Variants in DPP10 observed in about 807,000 individuals in gnomAD.
DPP10 encodes the protein inactive dipeptidyl peptidase 10.
In DPP10, 33 loss-of-function variants were observed where a neutral mutation model predicts 120.9. That is an observed-to-expected ratio of 0.27 (90% CI 0.21 to 0.37). The LOEUF is 0.37. DPP10 is among the 10% of genes least tolerant of loss of function. The pLI is 1.00. For synonymous variants in DPP10, 337 were observed against 326.1 expected, an observed-to-expected ratio of 1.03 and a Z score of -0.36; for missense variants, 816 against 942.8, an observed-to-expected ratio of 0.87 and a Z score of 1.76.
At chr2:115,733,078 TG>T (rs1360042600) in intron 8 of DPP10, among the ~76,000 whole-genome samples, 2 of 152,154 alleles carry the variant, frequency 1.3e-5, no homozygotes, top group East Asian at 3.9e-4. Context: ...ATAGATGACA[TG>T]GGCCTTGTGT....
intron 1 of DPP10, among the ~76,000 whole-genome samples, chr2:114,742,840 T>C (rs1678196990): frequency 6.6e-6 from 1 of 152,212 alleles, no homozygotes; most frequent in Admixed American, 6.5e-5. Context: ...TACATTAAAA[T>C]CTCCTGGAAG....
rs369349950 is a variant in DPP10, at chr2:115,414,168, TAGATTTC to T, written c.271+70260_271+70266del. Among the ~76,000 whole-genome samples the T allele has an allele frequency of 5.2e-4, 79 of 152,318 alleles. No homozygotes were observed. In the East Asian group the frequency reaches 0.015, roughly 28 times the overall value. ...CCCCCAAATTGTACCTATTTAGGATTAGATTTCAGAATCTTATTTGAAACTTAAACAG... is the reference window on the plus strand; with the variant it reads ...CCCCCAAATTGTACCTATTTAGGATTAGAATCTTATTTGAAACTTAAACAG... On this transcript the variant is annotated intron_variant, in intron 3 of 25. Coordinates refer to ENST00000410059, the MANE Select transcript of DPP10 (RefSeq NM_020868.6).
At chr2:115,442,252 C>T (rs1360179899) in intron 3 of DPP10, among the ~76,000 whole-genome samples, 1 of 152,036 alleles carries the variant, frequency 6.6e-6, no homozygotes, top group African/African-American at 2.4e-5. Flanking sequence ...CTCACTGGCT[C>T]TGTAAGAGGA....
chr2:114,676,613 G>T (rs1321623996), intron 1 of DPP10, among the ~76,000 whole-genome samples: 3 of 152,042 alleles, frequency 2.0e-5, no homozygotes, highest in Non-Finnish European at 4.4e-5. Flanking sequence ...TGGGGAGATC[G>T]CTGTATGTCA....
intron 7 of DPP10, among the ~76,000 whole-genome samples, chr2:115,712,543 A>AATATATATATATATATAT (rs1553486145): frequency 1.6e-5 from 1 of 64,274 alleles, no homozygotes; most frequent in Non-Finnish European, 2.9e-5. Flanking sequence ...TCCTGAATTA[A>AATATATATATATATATAT]ATATATATAT....
In DPP10 at chr2:115,697,439, C is replaced by T. The variant is rs76749697; in HGVS notation, c.576+7518C>T. On this transcript the variant is annotated intron_variant, in intron 7 of 25. Transcript: ENST00000410059. ...AATAAAATAGGGGTTGCTATACTAA[C>T]GTAAAAATAGGCGTTAAATCATAAA... Among the ~76,000 whole-genome samples, 148 of 151,680 alleles carry T rather than the reference C, an allele frequency of 9.8e-4. 3 individuals carry two copies. The East Asian group carries it at 0.025, about 26-fold the overall frequency.
At chr2:114,570,431 T>C (rs902390159) in intron 1 of DPP10, among the ~76,000 whole-genome samples, 6 of 152,032 alleles carry the variant, frequency 3.9e-5, no homozygotes, top group African/African-American at 1.2e-4. Flanking sequence ...TGTTCGAATA[T>C]AACTCAAAAC....
At chr2:114,560,585 G>C (rs945386997) in intron 1 of DPP10, among the ~76,000 whole-genome samples, 1 of 152,040 alleles carries the variant, frequency 6.6e-6, no homozygotes, top group East Asian at 1.9e-4. Context: ...GGAGAGAGTG[G>C]GGCCCAGGTA....
At chr2:115,673,295 A>C (rs1467291100) in intron 5 of DPP10, among the ~76,000 whole-genome samples, 2 of 152,164 alleles carry the variant, frequency 1.3e-5, no homozygotes, top group African/African-American at 4.8e-5. Flanking sequence ...TGAGTTAATC[A>C]CTTTCTTTCT....
intron 3 of DPP10, among the ~76,000 whole-genome samples, chr2:115,446,318 A>G (rs767685311): frequency 4.6e-5 from 7 of 152,174 alleles, no homozygotes; most frequent in Non-Finnish European, 1.0e-4. Flanking sequence ...GTGGAAGGGA[A>G]ATGTGGATTT....
intron 1 of DPP10, among the ~76,000 whole-genome samples, chr2:114,896,755 A>G (rs1222189394): frequency 6.6e-6 from 1 of 152,206 alleles, no homozygotes; most frequent in Non-Finnish European, 1.5e-5. Context: ...TGCCCTGGCC[A>G]GAACTTCCAA....
chr2:115,378,267 A>T (rs2065974311), intron 3 of DPP10, among the ~76,000 whole-genome samples: 1 of 150,340 alleles, frequency 6.7e-6, no homozygotes. Flanking sequence ...GAGGTCCTTC[A>T]CATCCCTTGT....
chr2:115,789,264 G>A (rs2149902354), intron 17 of DPP10, among the ~76,000 whole-genome samples: 1 of 152,202 alleles, frequency 6.6e-6, no homozygotes, highest in East Asian at 1.9e-4. Flanking sequence ...GTCAAACCTA[G>A]CAATTATAGA....
chr2:114,761,994 C>T (rs1249703187), intron 1 of DPP10, among the ~76,000 whole-genome samples: 1 of 152,056 alleles, frequency 6.6e-6, no homozygotes, highest in Non-Finnish European at 1.5e-5. Flanking sequence ...TCTGAAATAA[C>T]ACTGTGCTAG....
intron 1 of DPP10, among the ~76,000 whole-genome samples, chr2:114,799,382 C>T (rs962583364): frequency 2.6e-5 from 4 of 152,110 alleles, no homozygotes; most frequent in East Asian, 3.9e-4. Flanking sequence ...CAGGATCATA[C>T]CTTAACTATT....
At chr2:115,143,518 G>T (rs2051042907) in intron 1 of DPP10, among the ~76,000 whole-genome samples, 1 of 152,176 alleles carries the variant, frequency 6.6e-6, no homozygotes, top group Non-Finnish European at 1.5e-5. Context: ...ATAAGTGGAT[G>T]ACTTACTATC....
chr2:114,515,473 G>T (rs1684519026), intron 1 of DPP10, among the ~76,000 whole-genome samples: 1 of 152,098 alleles, frequency 6.6e-6, no homozygotes, highest in African/African-American at 2.4e-5. Context: ...GTACAGTGCA[G>T]TCTGAAACTG....
intron 21 of DPP10, among the ~76,000 whole-genome samples, chr2:115,827,447 T>TATAA (rs1388130768): frequency 2.0e-3 from 255 of 126,754 alleles, no homozygotes; most frequent in African/African-American, 7.1e-3. Flanking sequence ...TATATATATA[T>TATAA]GCTCTACAGT....
intron 1 of DPP10, among the ~76,000 whole-genome samples, chr2:114,733,808 A>C (rs969726428): frequency 1.3e-5 from 2 of 152,148 alleles, no homozygotes; most frequent in Admixed American, 6.6e-5. Flanking sequence ...CCAGAGAAAG[A>C]TCCAGATGTT....
Sources: allele counts gnomAD v4.1 joint callset (sites outside exome capture counted in the v4.1 genomes callset), GRCh38; gene constraint gnomAD v4.1.1; transcripts MANE v1.5; gene names NCBI Gene and HGNC (gene_info 2026-07-23, HGNC 2026-07-21).